The following XIAP variants were observed in gnomAD, a reference collection of about 807,000 sequenced individuals.
XIAP encodes the protein E3 ubiquitin-protein ligase XIAP.
In XIAP, 3 loss-of-function variants were observed where a neutral mutation model predicts 33.1. That is an observed-to-expected ratio of 0.09 (90% confidence interval 0.04 to 0.23). The LOEUF is 0.23. Among genes scored for constraint, XIAP ranks in the 10% least tolerant of loss-of-function variants. The probability of loss-of-function intolerance (pLI) is 1.00; values close to 1 mark genes in which losing one functional copy is unlikely to be tolerated. For missense variants in XIAP, 264 were observed against 363.0 expected (o/e 0.73, Z 2.22); for synonymous variants, 98 against 121.3 (o/e 0.81, Z 1.26).
Position 123,885,865 on chromosome X carries a change from C to T in XIAP, c.203C>T (p.Ala68Val), listed in dbSNP as rs2148089461. 1 of 1,211,878 alleles carries T rather than the reference C, an allele frequency of 8.3e-7. No individual in the cohort carries two copies. Among genetic ancestry groups the T allele is most frequent in the Middle Eastern group, 2.3e-4 (1 of 4,354 alleles). The change falls in exon 2 of 7, where the codon GCA becomes GTA. Residue 68 changes from alanine to valine, a missense_variant. Coordinates refer to ENST00000371199, the MANE Select transcript of XIAP (RefSeq NM_001167.4). ...GDTVRCFSCH[A>V]AVDRWQYGDS... is the part of the protein sequence containing the mutation. ...ACCGTGCGGTGCTTTAGTTGTCATG[C>T]AGCTGTAGATAGATGGCAATATGGA...
At chrX:123,894,956 GTAAATAAA>G (rs113036397) in intron 5 of XIAP, among the ~76,000 whole-genome samples, 148 of 105,732 alleles carry the variant, frequency 1.4e-3, no homozygotes, top group East Asian at 7.3e-3. Flanking sequence ...ACATAAATAA[GTAAATAAA>G]TAAATAAATA....
chrX:123,908,557 T>C lies in XIAP; in HGVS notation c.*1376T>C. 2.8e-6 allele frequency: 1 copy of C among 362,212 alleles called. No individual in the cohort carries two copies. The highest frequency in any genetic ancestry group is 2.7e-5 in the South Asian group (1 of 37,344). 29.9% of individuals were successfully genotyped at this position (362,212 alleles called of 1,213,427 possible). ...TCATATCATCTTGTATCTTAAAGTT[T>C]CATGTGAGTTTTTACCGTTAGGATG... On this transcript the variant is annotated 3_prime_UTR_variant, in exon 7 of 7. Coordinates refer to ENST00000371199, the MANE Select transcript of XIAP (RefSeq NM_001167.4).
chrX:123,886,812 C>G (rs1299001557), intron 2 of XIAP, among the ~76,000 whole-genome samples: 1 of 111,413 alleles, frequency 9.0e-6, no homozygotes, highest in African/African-American at 3.3e-5. Context: ...GTAGACATCC[C>G]CAATAGCAAA....
chrX:123,886,639 G>A (rs780126669), intron 2 of XIAP, 100 bp downstream of exon 2: 512 of 894,797 alleles, frequency 5.7e-4, no homozygotes, highest in Middle Eastern at 3.6e-3. Flanking sequence ...TAAATATTTA[G>A]GTATAACTTG....
chrX:123,873,101 G>C (rs773076775), intron 1 of XIAP: 1 of 106,463 alleles, frequency 9.4e-6, no homozygotes, highest in Non-Finnish European at 1.9e-5. Flanking sequence ...GCGCAATCTC[G>C]GCTCACCGCA....
chrX:123,913,602 TTAATG>T lies in XIAP; in HGVS notation c.*6426_*6430del, dbSNP rs2053627103. The stretch of plus-strand genomic sequence containing the variant: ...TTTACCACTTTCTTATTCTGTATCA[TTAATG>T]TAATATTTTAAATTACTATATATGT... On this transcript the variant is annotated 3_prime_UTR_variant, in exon 7 of 7. Transcript: ENST00000371199. 1 of 321,485 alleles carries T rather than the reference TTAATG, an allele frequency of 3.1e-6. No homozygotes were observed. Among genetic ancestry groups the T allele is most frequent in the Non-Finnish European group, 6.0e-6 (1 of 167,916 alleles). 26.5% of individuals were successfully genotyped at this position (321,485 alleles called of 1,213,427 possible).
In XIAP at chrX:123,899,223, G is replaced by GTA. The variant is rs200916819; in HGVS notation, c.1100-1260_1100-1259dup. On this transcript the variant is annotated intron_variant, in intron 5 of 6. Coordinates refer to ENST00000371199, the MANE Select transcript of XIAP (RefSeq NM_001167.4). ...TGATTGTGTATATATATATGATTTTGTATATATATATGATTTTGTATATAT... is the reference window on the plus strand; with the variant it reads ...TGATTGTGTATATATATATGATTTTGTATATATATATATGATTTTGTATATAT... Among the ~76,000 whole-genome samples, 4 of 50,827 alleles carry GTA rather than the reference G, an allele frequency of 7.9e-5. No individual in the cohort carries two copies. The Admixed American group carries it at 1.1e-3, about 15-fold the overall frequency. 44.1% of individuals were successfully genotyped at this position (50,827 alleles called of 115,157 possible). A position where few individuals can be genotyped will look rare whatever the true frequency, so the allele number is the denominator to read the frequency against.
At chrX:123,881,309 C>T (rs1403510428) in intron 1 of XIAP, among the ~76,000 whole-genome samples, 1 of 111,286 alleles carries the variant, frequency 9.0e-6, no homozygotes, top group African/African-American at 3.3e-5. Flanking sequence ...AATTCATCTG[C>T]TCCATATATA....
intron 1 of XIAP, 40 bp downstream of exon 1, chrX:123,860,333 C>G (rs1338793031): frequency 3.1e-6 from 1 of 327,166 alleles, no homozygotes; most frequent in Non-Finnish European, 5.9e-6. Context: ...CCCCCGCTTT[C>G]CCTCCTTCCC....
chrX:123,863,995 A>G (rs929601643), intron 1 of XIAP, among the ~76,000 whole-genome samples: 1 of 110,954 alleles, frequency 9.0e-6, no homozygotes, highest in South Asian at 3.7e-4. Context: ...AAGGTTAGCC[A>G]GGACCATTTC....
chrX:123,870,090 G>A (rs777065025), intron 1 of XIAP, among the ~76,000 whole-genome samples: 2 of 112,624 alleles, frequency 1.8e-5, no homozygotes, highest in East Asian at 5.6e-4. Flanking sequence ...CTCCTTAGTA[G>A]CTGGGACTAC....
At chrX:123,893,464 G>A (rs2053427849) in intron 5 of XIAP, among the ~76,000 whole-genome samples, 1 of 110,783 alleles carries the variant, frequency 9.0e-6, no homozygotes, top group Admixed American at 9.7e-5. Context: ...GGAGGTGGAG[G>A]TTGCAGTGAG....
chrX:123,871,221 GTGAGCCACCACACCTGGCCA>G (rs1188210354), intron 1 of XIAP, among the ~76,000 whole-genome samples: 4 of 110,059 alleles, frequency 3.6e-5, no homozygotes, highest in Non-Finnish European at 5.7e-5. Flanking sequence ...GATTACAGGT[GTGAGCCACCACACCTGGCCA>G]TGAGCCACCA....
At position 123,913,500 on chromosome X, in the gene XIAP, A is replaced by G. The variant is rs2053626207; in HGVS notation, c.*6319A>G. The G allele has an allele frequency of 3.0e-6, 1 of 329,168 alleles. No individual in the cohort carries two copies. The highest frequency in any genetic ancestry group is 5.9e-6 in the Non-Finnish European group (1 of 169,903). The allele number at this position is 329,168 out of a possible 1,213,427, so 27.1% of individuals were successfully genotyped here. A position where few individuals can be genotyped will look rare whatever the true frequency, so the allele number is the denominator to read the frequency against. On this transcript the variant is annotated 3_prime_UTR_variant, in exon 7 of 7. Coordinates refer to ENST00000371199, the MANE Select transcript of XIAP (RefSeq NM_001167.4). ...CAAAACAAAACAAAAAAATTAGACA[A>G]ATGCTACATTAATGTTTGGGTGGTC...
At chrX:123,902,147 A>G (rs1007627331) in intron 6 of XIAP, among the ~76,000 whole-genome samples, 4 of 112,330 alleles carry the variant, frequency 3.6e-5, no homozygotes, top group African/African-American at 1.3e-4. Flanking sequence ...GTTAGTTTTC[A>G]AACCTTAATG....
chrX:123,888,703 C>G lies in XIAP; in HGVS notation c.962C>G (p.Ala321Gly), dbSNP rs182340753. The change falls in exon 3 of 7, where the codon GCT becomes GGT. Residue 321 changes from alanine (A) to glycine (G), a missense_variant. Coordinates refer to ENST00000371199, the MANE Select transcript of XIAP (RefSeq NM_001167.4). ...KPSEDPWEQH[A>G]KWYPGCKYLL... Reference sequence around the variant, plus strand: ...AGTGAAGACCCTTGGGAACAACATGCTAAATGGTATCCAGGGTAAGATATT... The same window carrying G: ...AGTGAAGACCCTTGGGAACAACATGGTAAATGGTATCCAGGGTAAGATATT... 1.9e-4 allele frequency: 228 copies of G among 1,207,692 alleles called. 2 individuals are homozygous for G. The East Asian group carries it at 6.5e-3, about 35-fold the overall frequency.
intron 4 of XIAP, 35 bp downstream of exon 4, chrX:123,891,351 A>G: frequency 1.5e-6 from 1 of 688,304 alleles, no homozygotes; most frequent in Non-Finnish European, 2.2e-6. Flanking sequence ...TCAAATTCAC[A>G]TTTCAAATTA....
intron 1 of XIAP, among the ~76,000 whole-genome samples, chrX:123,864,095 AAAATTATT>A (rs1272367732): frequency 9.1e-6 from 1 of 109,557 alleles, no homozygotes; most frequent in Non-Finnish European, 1.9e-5. Flanking sequence ...GCAGTTTCTC[AAAATTATT>A]ATAATTAATG....
At chrX:123,868,361 T>C (rs1194632905) in intron 1 of XIAP, among the ~76,000 whole-genome samples, 2 of 111,086 alleles carry the variant, frequency 1.8e-5, no homozygotes, top group African/African-American at 6.5e-5. Context: ...ACTAGTTGAT[T>C]CCAACGATTC....
Sources: gnomAD v4.1 joint callset for allele counts (sites outside exome capture counted in the v4.1 genomes callset) on GRCh38, gnomAD v4.1.1 for gene constraint, MANE v1.5 for transcripts, NCBI Gene and HGNC (gene_info 2026-07-23, HGNC 2026-07-21) for gene names.